The following PTCH1 variants were observed in gnomAD, a reference collection of about 807,000 sequenced individuals.
PTCH1 encodes the protein protein patched homolog 1.
Under a neutral mutation model 144.6 loss-of-function variants are expected in PTCH1, and 14 were observed. That is an observed-to-expected ratio of 0.10 (90% CI 0.06 to 0.15). PTCH1 has a LOEUF of 0.15. Among genes scored for constraint, PTCH1 ranks in the 10% least tolerant of loss-of-function variants. The pLI is 1.00. For missense variants in PTCH1, 1,623 were observed against 1,948.3 expected (o/e 0.83, Z 3.14); for synonymous variants, 833 against 793.6 (o/e 1.05, Z -0.83).
chr9:95,475,989 G>T, intron 12 of PTCH1, 45 bp downstream of exon 12: 1 of 1,611,836 alleles, frequency 6.2e-7, no homozygotes, highest in Non-Finnish European at 8.5e-7. Context: ...CTGGAAGTCA[G>T]TGCCCCGTTC....
intron 15 of PTCH1, among the ~76,000 whole-genome samples, chr9:95,462,942 GC>G (rs949566056): frequency 1.8e-4 from 28 of 152,170 alleles, no homozygotes; most frequent in African/African-American, 6.8e-4. Context: ...CGGTGACCCG[GC>G]CTTAGGGTCT....
At chr9:95,507,209 G>A in intron 1 of PTCH1, 1 of 985,578 alleles carries the variant, frequency 1.0e-6, no homozygotes, top group Non-Finnish European at 1.2e-6. Flanking sequence ...TAGGAAGTGG[G>A]GCAGCCAGCT....
At chr9:95,461,589 A>G (rs1436163175) in intron 16 of PTCH1, among the ~76,000 whole-genome samples, 1 of 152,208 alleles carries the variant, frequency 6.6e-6, no homozygotes, top group Non-Finnish European at 1.5e-5. Context: ...TCTTGGCTGC[A>G]CTTTATTCTG....
intron 2 of PTCH1, among the ~76,000 whole-genome samples, chr9:95,505,633 C>G (rs1177156862): frequency 6.6e-6 from 1 of 152,136 alleles, no homozygotes; most frequent in Non-Finnish European, 1.5e-5. Flanking sequence ...TAAAACATTT[C>G]TTTTCTTTGC....
At chr9:95,471,836 C>G (rs377654396) in intron 12 of PTCH1, among the ~76,000 whole-genome samples, 1 of 152,182 alleles carries the variant, frequency 6.6e-6, no homozygotes, top group African/African-American at 2.4e-5. Context: ...GGTTGGAGTT[C>G]GAGACCAGCC....
chr9:95,467,057 C>T lies in PTCH1; in HGVS notation c.2560+59G>A, dbSNP rs985029319. 2.1e-5 allele frequency: 33 copies of T among 1,545,170 alleles called. No individual in the cohort carries two copies. In the African/African-American group the frequency reaches 3.2e-4, roughly 15 times the overall value. On this transcript the variant is annotated intron_variant, in intron 15 of 23. Coordinates refer to ENST00000331920, the MANE Select transcript of PTCH1 (RefSeq NM_000264.5). Reference sequence around the variant, plus strand: ...CGCTCTCATAATCATGACAAAGGAACCTGTTGAAGCTGAACACGCAAAAGA... The same window carrying T: ...CGCTCTCATAATCATGACAAAGGAATCTGTTGAAGCTGAACACGCAAAAGA...
Position 95,449,048 on chromosome 9 carries a change from T to G in PTCH1, c.3804+21A>C. ...ACCACGGTGGGAAGACCCCTCCCCC[T>G]GGTTCTGCAGAGTCACTTACAGTGG... On this transcript the variant is annotated intron_variant, in intron 22 of 23. Transcript: ENST00000331920. The surrounding 1 kb of genome is among the most constrained non-coding windows in gnomAD (Gnocchi z 5.3). 4.3e-6 allele frequency: 7 copies of G among 1,613,340 alleles called. No individual in the cohort carries two copies. Among genetic ancestry groups the G allele is most frequent in the Non-Finnish European group, 5.9e-6 (7 of 1,179,358 alleles).
chr9:95,451,985 A>T (rs1192251600), intron 20 of PTCH1: 2 of 152,218 alleles, frequency 1.3e-5, no homozygotes, highest in East Asian at 3.9e-4. Flanking sequence ...CTCCATGGAC[A>T]TTGCAGGGAG....
At chr9:95,498,746 A>G (rs1842948359) in intron 2 of PTCH1, among the ~76,000 whole-genome samples, 1 of 152,216 alleles carries the variant, frequency 6.6e-6, no homozygotes, top group Non-Finnish European at 1.5e-5. Context: ...TTATATTTTG[A>G]TGACCCTGAT....
chr9:95,499,413 C>G (rs561263123), intron 2 of PTCH1, among the ~76,000 whole-genome samples: 2 of 149,092 alleles, frequency 1.3e-5, no homozygotes, highest in South Asian at 4.2e-4. Context: ...ACTACCATTT[C>G]AGAGTTCACA....
At chr9:95,493,377 C>A (rs1842562663) in intron 2 of PTCH1, among the ~76,000 whole-genome samples, 1 of 152,234 alleles carries the variant, frequency 6.6e-6, no homozygotes, top group South Asian at 2.1e-4. Flanking sequence ...GCCCATGCAC[C>A]TCCGTATGTG....
chr9:95,495,084 TTC>T (rs1445938713), intron 2 of PTCH1: 1 of 152,276 alleles, frequency 6.6e-6, no homozygotes, highest in African/African-American at 2.4e-5. Context: ...GCACTGTTCC[TTC>T]CCTCTGCATC....
rs1011463593 is a variant in PTCH1 at position 95,444,876 on chromosome 9, C to T, written c.*1517G>A. ...TCAGAGCAAAAGAAGAGAACCAGTACAGAAGCAACTTTTAAAAATATGCCT... is the reference window on the plus strand; with the variant it reads ...TCAGAGCAAAAGAAGAGAACCAGTATAGAAGCAACTTTTAAAAATATGCCT... On this transcript the variant is annotated 3_prime_UTR_variant, in exon 24 of 24. Transcript: ENST00000331920. 1 of 152,194 alleles carries T rather than the reference C, an allele frequency of 6.6e-6. No individual in the cohort carries two copies. The highest frequency in any genetic ancestry group is 2.4e-5 in the African/African-American group (1 of 41,432). The allele number at this position is 152,194 out of a possible 1,614,324, so 9.4% of individuals were successfully genotyped here.
chr9:95,478,508 C>T lies in PTCH1; in HGVS notation c.1216-322G>A, dbSNP rs556667051. 6.0e-4 allele frequency among the ~76,000 whole-genome samples: 91 copies of T among 152,262 alleles called. 1 individual carries two copies. Among genetic ancestry groups the T allele is most frequent in the East Asian group, 1.7e-3 (9 of 5,182 alleles). On this transcript the variant is annotated intron_variant, in intron 8 of 23. Transcript: ENST00000331920. ...CTCCGTTAACTTCACAATTGACTTG[C>T]GGTCCCATCGGCTCCCCACTAATCC...
At position 95,444,221 on chromosome 9, in the gene PTCH1, C is replaced by T. The variant is rs1324261605; in HGVS notation, c.*2172G>A. The T allele has an allele frequency of 1.4e-5, 2 of 139,326 alleles. No individual in the cohort carries two copies. Among genetic ancestry groups the T allele is most frequent in the East Asian group, 2.5e-4 (1 of 4,030 alleles). 8.6% of individuals were successfully genotyped at this position (139,326 alleles called of 1,614,324 possible). On this transcript the variant is annotated 3_prime_UTR_variant, in exon 24 of 24. Transcript: ENST00000331920. ...TGCCAGCCCCACCCCCCGCCCACCC[C>T]AGTTCTCCCTTTGCCAATGTGACTA...
In PTCH1 at chr9:95,480,572, G is replaced by A. The variant is rs925067209; in HGVS notation, c.763C>T (p.Arg255Trp). ...TAYLLGKPPL[R>W]WTNFDPLEFL... ...TCCAAAGGGTCGAAGTTTGTCCACCGCAAAGGAGGTTTACCTCTGCAAAAG... is the reference window on the plus strand; with the variant it reads ...TCCAAAGGGTCGAAGTTTGTCCACCACAAAGGAGGTTTACCTCTGCAAAAG... The change falls in exon 6 of 24, where the codon CGG becomes TGG. Residue 255 changes from arginine to tryptophan, a missense_variant. Around this residue, in one of 7 missense-constraint regions of PTCH1, gnomAD observed 230 missense variants for 271.0 expected, o/e 0.85. Coordinates refer to ENST00000331920, the MANE Select transcript of PTCH1 (RefSeq NM_000264.5). 3 of 1,613,210 alleles carry A rather than the reference G, an allele frequency of 1.9e-6. No homozygotes were observed. The highest frequency in any genetic ancestry group is 1.7e-5 in the Admixed American group (1 of 59,958).
chr9:95,463,961 A>T (rs1403019476), intron 15 of PTCH1, among the ~76,000 whole-genome samples: 3 of 152,210 alleles, frequency 2.0e-5, no homozygotes, highest in Non-Finnish European at 2.9e-5. Flanking sequence ...TCTGGTGGCA[A>T]ACGGGGTCCC....
chr9:95,475,201 T>C (rs1159042424), intron 12 of PTCH1, among the ~76,000 whole-genome samples: 1 of 152,184 alleles, frequency 6.6e-6, no homozygotes, highest in Non-Finnish European at 1.5e-5. Flanking sequence ...CAGAACGGAC[T>C]ACAGCTCTAT....
chr9:95,484,799 C>A (rs1841843715), intron 3 of PTCH1, among the ~76,000 whole-genome samples: 1 of 152,138 alleles, frequency 6.6e-6, no homozygotes, highest in African/African-American at 2.4e-5. Context: ...CTGTAGTAAC[C>A]AACAGTCTAG....
Sources: allele counts gnomAD v4.1 joint callset (sites outside exome capture counted in the v4.1 genomes callset), GRCh38; gene constraint gnomAD v4.1.1; regional missense constraint gnomAD v4.1.1; non-coding constraint Gnocchi (gnomAD v3.1); transcripts MANE v1.5; gene names NCBI Gene and HGNC (gene_info 2026-07-23, HGNC 2026-07-21).